The following KRT73 variants were observed in gnomAD, a reference collection of about 807,000 sequenced individuals.
KRT73 encodes keratin 73, also known as keratin, type II cytoskeletal 73.
A neutral mutation model predicts 47.2 loss-of-function variants in KRT73; 44 were observed. That is an observed-to-expected ratio of 0.93 (90% CI 0.73 to 1.20). The LOEUF (loss-of-function observed/expected upper bound fraction) is 1.20, where lower values mean the gene tolerates loss of function less well. Among genes scored for constraint, KRT73 ranks in the 50% most tolerant of loss-of-function variants. KRT73 has a pLI of 0.00. For synonymous variants in KRT73, 285 were observed against 291.3 expected (o/e 0.98, Z 0.22); for missense variants, 713 against 704.5 (o/e 1.01, Z -0.14).
chr12:52,614,803 G>C, intron 3 of KRT73, 129 bp from the exon 4 acceptor site: 2 of 690,918 alleles, frequency 2.9e-6, no homozygotes, highest in Non-Finnish European at 4.8e-6. Flanking sequence ...GGCAGGAACC[G>C]GCCTTCCAGC....
upstream of KRT73, among the ~76,000 whole-genome samples, chr12:52,620,089 G>A (rs948890374): frequency 1.4e-5 from 2 of 147,644 alleles, no homozygotes; most frequent in African/African-American, 2.5e-5. Flanking sequence ...TAGCTAACAT[G>A]AAGTTCTATT....
chr12:52,611,447 C>T, intron 5 of KRT73, 118 bp from the exon 6 acceptor site: 2 of 1,182,988 alleles, frequency 1.7e-6, no homozygotes, highest in South Asian at 2.9e-5. Context: ...GGTCCCCCGC[C>T]TCACCATGTC....
intron 2 of KRT73, 31 bp downstream of exon 2, chr12:52,616,135 G>T: frequency 1.2e-6 from 2 of 1,612,622 alleles, no homozygotes; most frequent in Non-Finnish European, 1.7e-6. Flanking sequence ...ACCCTGGGAG[G>T]CAGACCAGCC....
chr12:52,627,430 C>T, the KRT73 span, among the ~76,000 whole-genome samples: 2 of 152,194 alleles, frequency 1.3e-5, no homozygotes, highest in African/African-American at 4.8e-5. Flanking sequence ...ACCATTATCC[C>T]TGGCTATCTT....
chr12:52,609,331 G>A, intron 7 of KRT73, 50 bp from the exon 8 acceptor site: 3 of 1,528,242 alleles, frequency 2.0e-6, no homozygotes, highest in Non-Finnish European at 2.7e-6. Context: ...GACTCCCATA[G>A]TGGCCCTCAC....
At chr12:52,610,529 G>GGCCCCCCC in intron 7 of KRT73, 86 bp downstream of exon 7, 1 of 295,156 alleles carries the variant, frequency 3.4e-6, no homozygotes, top group Non-Finnish European at 6.8e-6. Context: ...CCAGCTCGCC[G>GGCCCCCCC]CCCCCTCCCC....
At position 52,608,450 on chromosome 12, in the gene KRT73, C is replaced by T. The variant is rs1422292408; in HGVS notation, c.1369G>A (p.Val457Ile). The T allele has an allele frequency of 6.2e-7, 1 of 1,607,792 alleles. No individual in the cohort carries two copies. The highest frequency in any genetic ancestry group is 8.5e-7 in the Non-Finnish European group (1 of 1,178,796). ...ATCCCGGCCATGGAGCTGTTGATGA[C>T]CGCTGCAGAGGAGGGAGGGACGAGT... ...GEYTNSVSISVINSSMAGMAG... is the reference protein window; with the variant it reads ...GEYTNSVSISIINSSMAGMAG... Residue 457 changes from valine to isoleucine, a missense_variant and splice_region_variant, in exon 9 of 9, where the codon GTC (valine) becomes ATC (isoleucine). Physicochemically the swap from Val to Ile is conservative, Grantham distance 29. Transcript: ENST00000305748.
intron 1 of KRT73, among the ~76,000 whole-genome samples, chr12:52,617,321 G>T (rs529504597): frequency 1.3e-5 from 2 of 152,190 alleles, no homozygotes; most frequent in Non-Finnish European, 2.9e-5. Flanking sequence ...TCTCAAACCT[G>T]AGTGTACATC....
chr12:52,625,427 C>T, the KRT73 span, among the ~76,000 whole-genome samples: 5 of 152,128 alleles, frequency 3.3e-5, no homozygotes, highest in Non-Finnish European at 7.4e-5. Flanking sequence ...ATTTAAGCCA[C>T]AATGAGATAT....
Position 52,608,068 on chromosome 12 carries a change from G to A in KRT73, c.*128C>T, listed in dbSNP as rs1053490287. 7 of 960,536 alleles carry A rather than the reference G, an allele frequency of 7.3e-6. No homozygotes were observed. The African/African-American group carries it at 9.9e-5, about 14-fold the overall frequency. 59.5% of individuals were successfully genotyped at this position (960,536 alleles called of 1,614,324 possible). ...GAGGCAGAGAGGTCAAGGAGAAGGA[G>A]GAGAGGTCCACAGCAAAGCAAAGCA... is the stretch of plus-strand genomic sequence containing the variant. On this transcript the variant is annotated 3_prime_UTR_variant, in exon 9 of 9. Transcript: ENST00000305748.
intron 2 of KRT73, among the ~76,000 whole-genome samples, chr12:52,615,559 T>G (rs570676464): frequency 6.6e-6 from 1 of 152,276 alleles, no homozygotes; most frequent in South Asian, 2.1e-4. Context: ...TGAGGTCTGA[T>G]TTCCTCTGAT....
At chr12:52,609,981 G>C (rs576122844) in intron 7 of KRT73, 4 of 154,326 alleles carry the variant, frequency 2.6e-5, no homozygotes, top group Non-Finnish European at 5.8e-5. Flanking sequence ...TATTTTCCCA[G>C]AGATGCTGCA....
chr12:52,617,873 G>A (rs75640135), intron 1 of KRT73, among the ~76,000 whole-genome samples: 106 of 152,308 alleles, frequency 7.0e-4, no homozygotes, highest in African/African-American at 2.0e-3. Flanking sequence ...CAATGAAGGC[G>A]GGGGAAGGAA....
chr12:52,610,532 C>CT, intron 7 of KRT73, 83 bp downstream of exon 7: 10 of 179,932 alleles, frequency 5.6e-5, no homozygotes, highest in South Asian at 1.5e-4. Context: ...GCTCGCCGCC[C>CT]CCTCCCCCCC....
intron 5 of KRT73, 90 bp from the exon 6 acceptor site, chr12:52,611,419 C>T: frequency 1.3e-6 from 2 of 1,543,792 alleles, no homozygotes; most frequent in Non-Finnish European, 1.8e-6. Context: ...CTTGCAGAGC[C>T]TGGCAGAGGT....
At chr12:52,610,557 T>G in intron 7 of KRT73, 58 bp downstream of exon 7, 1 of 255,572 alleles carries the variant, frequency 3.9e-6, no homozygotes, top group Non-Finnish European at 7.5e-6. Context: ...CCAACCACAC[T>G]CTGGGAAACT....
At chr12:52,612,719 A>AATGCTTCTT (rs1940727602) in intron 5 of KRT73, 1 of 152,142 alleles carries the variant, frequency 6.6e-6, no homozygotes, top group African/African-American at 2.4e-5. Flanking sequence ...CCTTAGAGTA[A>AATGCTTCTT]ATGCTTCTTT....
chr12:52,616,469 C>T (rs1940816722), intron 1 of KRT73, 89 bp from the exon 2 acceptor site: 1 of 1,506,738 alleles, frequency 6.6e-7, no homozygotes, highest in Non-Finnish European at 9.1e-7. Context: ...TCTTATGCTA[C>T]ATTAGCTTTA....
intron 3 of KRT73, 159 bp downstream of exon 3, chr12:52,615,120 C>A: frequency 1.6e-6 from 1 of 608,518 alleles, no homozygotes; most frequent in East Asian, 2.7e-5. Context: ...AAACCAACAC[C>A]AGGTGTCCCA....
Sources: allele counts gnomAD v4.1 joint callset (sites outside exome capture counted in the v4.1 genomes callset), GRCh38; gene constraint gnomAD v4.1.1; transcripts MANE v1.5; gene names NCBI Gene and HGNC (gene_info 2026-07-23, HGNC 2026-07-21).